The following ITGAV variants were observed in gnomAD, a reference collection of about 807,000 sequenced individuals.
The protein encoded by ITGAV is integrin subunit alpha V.
Under a neutral mutation model 143.8 loss-of-function variants are expected in ITGAV, and 76 were observed. The ratio of observed to expected loss-of-function variants is 0.53; its 90% confidence interval spans 0.44 to 0.64. The LOEUF (loss-of-function observed/expected upper bound fraction) is 0.64. Ranked by LOEUF, ITGAV falls within the 30% of genes least tolerant of loss-of-function variation. The pLI, the probability that ITGAV is intolerant of heterozygous loss-of-function variation, is 0.00. For missense variants in ITGAV, 1,193 were observed against 1,274.7 expected (o/e 0.94, Z 0.98); for synonymous variants, 453 against 446.7 (o/e 1.01, Z -0.18).
In ITGAV at chr2:186,622,366, C is replaced by T; in HGVS notation, c.344C>T (p.Pro115Leu). The T allele has an allele frequency of 6.2e-7, 1 of 1,613,342 alleles. No individual in the cohort carries two copies. The highest frequency in any genetic ancestry group is 8.5e-7 in the Non-Finnish European group (1 of 1,179,388). Residue 115 changes from proline to leucine, a missense_variant, in exon 3 of 30, where the codon CCA becomes CTA. Pro to Leu is a moderately conservative substitution (Grantham distance 98). Transcript: ENST00000261023. ...AATAGAGATTATGCCAAGGATGATC[C>T]ATTGGAATTTAAGTCCCATCAGTGG... The part of the protein sequence containing the change: ...TGNRDYAKDD[P>L]LEFKSHQWFG...
At chr2:186,623,261 A>G (rs976047976) in intron 3 of ITGAV, among the ~76,000 whole-genome samples, 2 of 152,304 alleles carry the variant, frequency 1.3e-5, no homozygotes, top group East Asian at 1.9e-4. Flanking sequence ...ATATGTGCAT[A>G]CATACACACC....
intron 15 of ITGAV, among the ~76,000 whole-genome samples, chr2:186,652,931 A>ATTTTTT (rs35139936): frequency 1.1e-3 from 91 of 82,428 alleles, no homozygotes; most frequent in African/African-American, 1.5e-3. Flanking sequence ...TTCATTATAG[A>ATTTTTT]TTTTTTTTTT....
intron 2 of ITGAV, among the ~76,000 whole-genome samples, chr2:186,607,811 A>C (rs1687110125): frequency 6.6e-6 from 1 of 152,192 alleles, no homozygotes; most frequent in Admixed American, 6.5e-5. Context: ...TGACTAAGTG[A>C]CTAGGTATCA....
intron 1 of ITGAV, chr2:186,600,409 T>C: frequency 1.3e-6 from 2 of 1,538,018 alleles, no homozygotes; most frequent in Non-Finnish European, 1.8e-6. Context: ...AACTTCTCTG[T>C]CTACTTTATC....
intron 5 of ITGAV, among the ~76,000 whole-genome samples, chr2:186,632,646 T>G (rs1687844406): frequency 6.6e-6 from 1 of 152,180 alleles, no homozygotes; most frequent in Non-Finnish European, 1.5e-5. Context: ...AATTTTATTC[T>G]CAACTTCACT....
At position 186,602,119 on chromosome 2, in the gene ITGAV, G is replaced by A. The variant is rs1305265951; in HGVS notation, c.284G>A (p.Arg95His). The A allele has an allele frequency of 1.1e-5, 18 of 1,611,838 alleles. No homozygotes were observed. Among genetic ancestry groups the A allele is most frequent in the East Asian group, 8.9e-5 (4 of 44,826 alleles). ...QVLKCDWSST[R>H]RCQPIEFDAT... The stretch of plus-strand genomic sequence containing the variant: ...CTCAAATGTGACTGGTCTTCTACCC[G>A]CCGGTGCCAGCCAATTGAATTTGAT... Residue 95 changes from arginine to histidine, a missense_variant, in exon 2 of 30, where the codon CGC (arginine) becomes CAC (histidine). Physicochemically the swap from Arg to His is conservative, Grantham distance 29. Coordinates refer to ENST00000261023, the MANE Select transcript of ITGAV (RefSeq NM_002210.5).
At chr2:186,660,742 C>T (rs1688722952) in intron 18 of ITGAV, among the ~76,000 whole-genome samples, 1 of 152,122 alleles carries the variant, frequency 6.6e-6, no homozygotes, top group Non-Finnish European at 1.5e-5. Context: ...CAAAGTACCA[C>T]AGAATGGGTG....
chr2:186,629,665 G>T (rs1030945059), intron 4 of ITGAV, among the ~76,000 whole-genome samples: 2 of 151,984 alleles, frequency 1.3e-5, no homozygotes, highest in Non-Finnish European at 2.9e-5. Flanking sequence ...TTTCTGATGG[G>T]ATTATTTAGC....
intron 1 of ITGAV, among the ~76,000 whole-genome samples, chr2:186,592,957 C>T (rs1686655211): frequency 6.6e-6 from 1 of 151,888 alleles, no homozygotes; most frequent in Non-Finnish European, 1.5e-5. Flanking sequence ...TAAAATTTTG[C>T]TGAATTTTCT....
chr2:186,604,071 A>G (rs1397459325), intron 2 of ITGAV, among the ~76,000 whole-genome samples: 2 of 151,644 alleles, frequency 1.3e-5, no homozygotes, highest in Non-Finnish European at 2.9e-5. Context: ...GGGTTTTGCC[A>G]TATTGCCCAG....
chr2:186,670,270 G>T (rs1407616862), intron 26 of ITGAV, among the ~76,000 whole-genome samples: 1 of 151,800 alleles, frequency 6.6e-6, no homozygotes, highest in Non-Finnish European at 1.5e-5. Flanking sequence ...CAGATCTCTA[G>T]TAGAGAACCT....
intron 10 of ITGAV, 138 bp downstream of exon 10, chr2:186,638,603 G>T: frequency 3.0e-6 from 2 of 660,512 alleles, no homozygotes; most frequent in Non-Finnish European, 2.6e-6. Context: ...TACCATTTTG[G>T]TCAAACTATT....
At chr2:186,615,900 G>T (rs1367258873) in intron 2 of ITGAV, among the ~76,000 whole-genome samples, 1 of 152,026 alleles carries the variant, frequency 6.6e-6, no homozygotes, top group South Asian at 2.1e-4. Context: ...TTATTTCCTT[G>T]TTTTCTTTTA....
chr2:186,672,197 G>A (rs191413091), intron 26 of ITGAV, among the ~76,000 whole-genome samples: 48 of 152,118 alleles, frequency 3.2e-4, no homozygotes, highest in Admixed American at 1.6e-3. Flanking sequence ...TGATCCGCCC[G>A]CCTCGGCCTC....
At chr2:186,635,260 T>C (rs1368104183) in intron 6 of ITGAV, among the ~76,000 whole-genome samples, 1 of 152,170 alleles carries the variant, frequency 6.6e-6, no homozygotes, top group Non-Finnish European at 1.5e-5. Flanking sequence ...GAATTGTCGT[T>C]GTTAGAATGG....
intron 4 of ITGAV, among the ~76,000 whole-genome samples, chr2:186,626,720 G>A (rs1445566557): frequency 6.6e-6 from 1 of 152,144 alleles, no homozygotes; most frequent in Non-Finnish European, 1.5e-5. Flanking sequence ...CATTAAAAGA[G>A]TGATACCTAC....
At chr2:186,598,324 CACACAG>C (rs1574458211) in intron 1 of ITGAV, among the ~76,000 whole-genome samples, 2 of 137,488 alleles carry the variant, frequency 1.5e-5, no homozygotes, top group South Asian at 4.7e-4. Context: ...CACACACACA[CACACAG>C]AGTTTCACTG....
intron 2 of ITGAV, 132 bp from the exon 3 acceptor site, chr2:186,622,207 G>A (rs1007700465): frequency 3.2e-6 from 2 of 631,678 alleles, no homozygotes; most frequent in Non-Finnish European, 5.5e-6. Context: ...AACTGTATAT[G>A]AGAAAAATAA....
intron 2 of ITGAV, among the ~76,000 whole-genome samples, chr2:186,619,566 CAAAA>C (rs11353811): frequency 3.7e-4 from 57 of 152,112 alleles, no homozygotes; most frequent in Middle Eastern, 3.4e-3. Context: ...GTTCCCAACA[CAAAA>C]AAACGTGCTA....
Sources: allele counts gnomAD v4.1 joint callset (sites outside exome capture counted in the v4.1 genomes callset), GRCh38; gene constraint gnomAD v4.1.1; transcripts MANE v1.5; gene names NCBI Gene and HGNC (gene_info 2026-07-23, HGNC 2026-07-21).